The following CLCA2 variants were observed in gnomAD, a reference collection of about 807,000 sequenced individuals.
CLCA2 encodes chloride channel accessory 2, also known as calcium-activated chloride channel regulator 2.
CLCA2 carries 85 observed loss-of-function variants against 82.9 expected under a neutral mutation model. That is an observed-to-expected ratio of 1.03 (90% CI 0.86 to 1.23). CLCA2 has a LOEUF of 1.23. Ranked by LOEUF, CLCA2 falls within the 50% of genes most tolerant of loss-of-function variation. CLCA2 has a pLI of 0.00. For synonymous variants in CLCA2, 421 were observed against 391.7 expected, an observed-to-expected ratio of 1.07 and a Z score of -0.88; for missense variants, 1,089 against 1,124.8, an observed-to-expected ratio of 0.97 and a Z score of 0.45.
chr1:86,444,297 T>C (rs959563976), intron 10 of CLCA2, among the ~76,000 whole-genome samples: 3 of 152,192 alleles, frequency 2.0e-5, no homozygotes, highest in Non-Finnish European at 4.4e-5. Context: ...CTTTACATAA[T>C]CCATACAAAC....
intron 10 of CLCA2, 40 bp from the exon 11 acceptor site, chr1:86,447,468 T>C: frequency 6.3e-7 from 1 of 1,580,188 alleles, no homozygotes; most frequent in Admixed American, 1.8e-5. Context: ...GGGTTGATTT[T>C]TTTTTCACAC....
intron 3 of CLCA2, among the ~76,000 whole-genome samples, chr1:86,428,953 G>A (rs942581799): frequency 6.6e-6 from 1 of 152,184 alleles, no homozygotes; most frequent in Non-Finnish European, 1.5e-5. Flanking sequence ...GCATATAGGA[G>A]AGACAGAGAC....
chr1:86,439,156 CTT>C, intron 7 of CLCA2, 50 bp downstream of exon 7: 2 of 1,562,330 alleles, frequency 1.3e-6, no homozygotes, highest in Non-Finnish European at 1.8e-6. Context: ...TCCTTTCCCT[CTT>C]TTAGTATACG....
At position 86,445,094 on chromosome 1, in the gene CLCA2, C is replaced by T. The variant is rs143251030; in HGVS notation, c.1713+1083C>T. ...GTATTTTTTGGTAGAGATGAGGTTT[C>T]ACCATGTTGGCCAGGCTGTTCTCAA... On this transcript the variant is annotated intron_variant, in intron 10 of 13. Transcript: ENST00000370565. 6.0e-3 allele frequency among the ~76,000 whole-genome samples: 906 copies of T among 152,152 alleles called. 4 individuals are homozygous for T. The highest frequency in any genetic ancestry group is 0.024 in the Middle Eastern group (7 of 294).
intron 10 of CLCA2, among the ~76,000 whole-genome samples, chr1:86,444,515 C>T (rs1403144289): frequency 6.6e-6 from 1 of 152,020 alleles, no homozygotes; most frequent in Non-Finnish European, 1.5e-5. Context: ...GCAAAGACAT[C>T]AAAATGGAAA....
chr1:86,446,021 A>G (rs916686754), intron 10 of CLCA2, among the ~76,000 whole-genome samples: 7 of 151,806 alleles, frequency 4.6e-5, no homozygotes, highest in Admixed American at 1.3e-4. Flanking sequence ...CTAAATAGGG[A>G]AAAAAAATCA....
Position 86,425,414 on chromosome 1 carries a change from T to A in CLCA2, c.262T>A (p.Leu88Ile). Residue 88 changes from leucine to isoleucine, a missense_variant, in exon 2 of 14, where the codon TTA becomes ATA. Transcript: ENST00000370565. ...AGTATTTTTCAGAAATATAAAGATT[T>A]TAATACCTGCCACATGGAAAGCTAA... ...RRVFFRNIKI[L>I]IPATWKANNN... 1 of 1,574,660 alleles carries A rather than the reference T, an allele frequency of 6.4e-7. No homozygotes were observed. Among genetic ancestry groups the A allele is most frequent in the Non-Finnish European group, 8.6e-7 (1 of 1,159,020 alleles).
Position 86,455,170 on chromosome 1 carries a change from G to A in CLCA2, c.2475G>A (p.Lys825=), listed in dbSNP as rs764299576. The A allele has an allele frequency of 1.2e-6, 2 of 1,613,346 alleles. No homozygotes were observed. Among genetic ancestry groups the A allele is most frequent in the Admixed American group, 3.3e-5 (2 of 59,934 alleles). ...FNNAILVNTS[K]RNPQQAGIRE... ...ATGCTATTTTAGTAAATACATCAAA[G>A]CGAAATCCTCAGCAAGCTGGCATCA... The change falls in exon 14 of 14, where the codon AAG becomes AAA. Residue 825 remains lysine (K), a synonymous_variant. Coordinates refer to ENST00000370565, the MANE Select transcript of CLCA2 (RefSeq NM_006536.7).
At chr1:86,432,251 A>G in intron 4 of CLCA2, 118 bp from the exon 5 acceptor site, 1 of 1,243,842 alleles carries the variant, frequency 8.0e-7, no homozygotes, top group Non-Finnish European at 1.1e-6. Flanking sequence ...AGCAGTTTTT[A>G]AAGTTTTGTA....
Position 86,455,303 on chromosome 1 carries a change from G to T in CLCA2, c.2608G>T (p.Asp870Tyr). 6.2e-7 allele frequency: 1 copy of T among 1,614,090 alleles called. No individual in the cohort carries two copies. Among genetic ancestry groups the T allele is most frequent in the African/African-American group, 1.3e-5 (1 of 75,046 alleles). ...HRIYVAIRAMDRNSLQSAVSN... is the reference protein window; with the variant it reads ...HRIYVAIRAMYRNSLQSAVSN... ...AATTTATGTTGCAATACGAGCAATG[G>T]ATAGGAACTCCTTACAGTCTGCTGT... is the stretch of plus-strand genomic sequence containing the variant. Residue 870 changes from aspartate (D) to tyrosine (Y), a missense_variant, in exon 14 of 14, where the codon GAT becomes TAT. Physicochemically the swap from Asp to Tyr is radical, Grantham distance 160. Transcript: ENST00000370565.
intron 2 of CLCA2, 69 bp downstream of exon 2, chr1:86,425,545 C>T (rs778397588): frequency 2.9e-5 from 37 of 1,267,856 alleles, no homozygotes; most frequent in Admixed American, 1.2e-4. Context: ...TGTGCTCAAA[C>T]GATAAAAGTG....
chr1:86,426,921 G>A (rs1662395937), intron 2 of CLCA2, among the ~76,000 whole-genome samples: 1 of 152,158 alleles, frequency 6.6e-6, no homozygotes, highest in Admixed American at 6.5e-5. Context: ...AGAGAAATAA[G>A]TAAAGCAAAA....
At chr1:86,436,403 C>T (rs1271885457) in intron 6 of CLCA2, among the ~76,000 whole-genome samples, 1 of 152,214 alleles carries the variant, frequency 6.6e-6, no homozygotes, top group Non-Finnish European at 1.5e-5. Flanking sequence ...TTTTATTCTT[C>T]ATCAGAAAAC....
At chr1:86,425,604 T>A in intron 2 of CLCA2, 128 bp downstream of exon 2, 1 of 648,782 alleles carries the variant, frequency 1.5e-6, no homozygotes, top group Non-Finnish European at 2.3e-6. Context: ...CAAATAATAT[T>A]AATGGGCAGA....
At chr1:86,445,456 T>C (rs982013104) in intron 10 of CLCA2, 6 of 151,276 alleles carry the variant, frequency 4.0e-5, no homozygotes, top group Non-Finnish European at 8.8e-5. Flanking sequence ...ATTGGCACTA[T>C]TTTTGTTTCT....
Position 86,455,137 on chromosome 1 carries a change from C to T in CLCA2, c.2442C>T (p.Asp814=), listed in dbSNP as rs1663048942. 1 of 1,608,992 alleles carries T rather than the reference C, an allele frequency of 6.2e-7. No homozygotes were observed. The highest frequency in any genetic ancestry group is 8.5e-7 in the Non-Finnish European group (1 of 1,176,652). Residue 814 remains aspartate, a synonymous_variant, in exon 14 of 14, where the codon GAC becomes GAT. Transcript: ENST00000370565. ...MSKSLQNIQD[D]FNNAILVNTS... is the part of the protein sequence containing the mutation. Reference sequence around the variant, plus strand: ...AAAGTCTACAGAATATCCAAGATGACTTTAACAATGCTATTTTAGTAAATA... The same window carrying T: ...AAAGTCTACAGAATATCCAAGATGATTTTAACAATGCTATTTTAGTAAATA...
intron 7 of CLCA2, among the ~76,000 whole-genome samples, chr1:86,439,718 G>A (rs556865500): frequency 6.6e-6 from 1 of 152,252 alleles, no homozygotes; most frequent in East Asian, 1.9e-4. Flanking sequence ...AAATACTAAT[G>A]TGTGAGTCTA....
chr1:86,450,767 TC>T (rs756688602), intron 12 of CLCA2, 34 bp downstream of exon 12: 1 of 1,541,232 alleles, frequency 6.5e-7, no homozygotes, highest in South Asian at 1.3e-5. Context: ...TTGAGTAACA[TC>T]ATTTCATGTA....
In CLCA2 at chr1:86,434,553, A is replaced by G. The variant is rs1330493040; in HGVS notation, c.780A>G (p.Gln260=). 5.0e-6 allele frequency: 8 copies of G among 1,613,952 alleles called. No homozygotes were observed. In the South Asian group the frequency reaches 7.7e-5, roughly 16 times the overall value. Residue 260 remains glutamine (Q), a synonymous_variant, in exon 6 of 14, where the codon CAA becomes CAG. Transcript: ENST00000370565. ...VEFCNASTHN[Q]EAPNLQNQMC... ...TTTGTAATGCAAGTACCCACAACCA[A>G]GAAGCACCAAACCTACAGAACCAGA...
Sources: allele counts gnomAD v4.1 joint callset (sites outside exome capture counted in the v4.1 genomes callset), GRCh38; gene constraint gnomAD v4.1.1; transcripts MANE v1.5; gene names NCBI Gene and HGNC (gene_info 2026-07-23, HGNC 2026-07-21).